Variants in IL1RAPL1 observed in about 807,000 individuals in gnomAD.
IL1RAPL1 encodes the protein interleukin-1 receptor accessory protein-like 1.
A neutral mutation model predicts 48.4 loss-of-function variants in IL1RAPL1; 3 were observed. The ratio of observed to expected loss-of-function variants is 0.06; its 90% CI spans 0.03 to 0.16. The LOEUF (loss-of-function observed/expected upper bound fraction) is 0.16. IL1RAPL1 is among the 10% of genes least tolerant of loss of function. The pLI, the probability that IL1RAPL1 is intolerant of heterozygous loss-of-function variation, is 1.00. For synonymous variants in IL1RAPL1, 185 were observed against 187.7 expected (o/e 0.99, Z 0.12); for missense variants, 349 against 530.6 (o/e 0.66, Z 3.36).
chrX:29,015,964 A>T (rs1264979998), intron 2 of IL1RAPL1, among the ~76,000 whole-genome samples: 1 of 111,976 alleles, frequency 8.9e-6, no homozygotes, highest in Non-Finnish European at 1.9e-5. Context: ...ACAGTTCTTC[A>T]TTTCTCAAGC....
At chrX:29,793,974 C>G (rs1929690207) in intron 6 of IL1RAPL1, among the ~76,000 whole-genome samples, 1 of 111,975 alleles carries the variant, frequency 8.9e-6, no homozygotes, top group Non-Finnish European at 1.9e-5. Flanking sequence ...GAGGATATGG[C>G]TGATGTTTGT....
At chrX:28,780,765 T>C (rs1936414985) in intron 1 of IL1RAPL1, among the ~76,000 whole-genome samples, 1 of 110,088 alleles carries the variant, frequency 9.1e-6, no homozygotes, top group African/African-American at 3.3e-5. Context: ...CCAGCTCATG[T>C]GATCTGCTGT....
At chrX:29,813,291 C>G (rs191571728) in intron 6 of IL1RAPL1, among the ~76,000 whole-genome samples, 112 of 111,287 alleles carry the variant, frequency 1.0e-3, no homozygotes, top group African/African-American at 3.6e-3. Context: ...GAAAAGGTCC[C>G]TAAAATTAAT....
chrX:29,000,014 A>C (rs1390102102), intron 2 of IL1RAPL1, among the ~76,000 whole-genome samples: 1 of 111,580 alleles, frequency 9.0e-6, no homozygotes, highest in Non-Finnish European at 1.9e-5. Context: ...TGGTAATTTT[A>C]AGAGTCTGCT....
chrX:29,457,277 G>T, intron 5 of IL1RAPL1, among the ~76,000 whole-genome samples: 1 of 102,865 alleles, frequency 9.7e-6, no homozygotes, highest in East Asian at 3.0e-4. Flanking sequence ...ACACAAGTTT[G>T]TTACATGGGT....
chrX:29,443,459 T>C (rs1476030028), intron 5 of IL1RAPL1, among the ~76,000 whole-genome samples: 1 of 111,204 alleles, frequency 9.0e-6, no homozygotes, highest in Non-Finnish European at 1.9e-5. Flanking sequence ...TTATTCGCCA[T>C]AGCCTAGAAA....
At chrX:29,674,296 T>C (rs1926216445) in intron 6 of IL1RAPL1, among the ~76,000 whole-genome samples, 1 of 111,249 alleles carries the variant, frequency 9.0e-6, no homozygotes, top group African/African-American at 3.3e-5. Context: ...TGTGTTGGCA[T>C]GCGCCTGTAG....
chrX:28,702,175 G>A (rs751385460), intron 1 of IL1RAPL1, among the ~76,000 whole-genome samples: 4 of 111,167 alleles, frequency 3.6e-5, no homozygotes, highest in African/African-American at 1.3e-4. Flanking sequence ...TATGTAACTG[G>A]TTTAGAATCC....
chrX:29,294,174 TG>T (rs1932413254), intron 3 of IL1RAPL1, among the ~76,000 whole-genome samples: 2 of 111,315 alleles, frequency 1.8e-5, no homozygotes, highest in South Asian at 7.5e-4. Flanking sequence ...AAAGTGTAAC[TG>T]GGAAAGATTT....
chrX:29,006,065 C>G (rs1197935998), intron 2 of IL1RAPL1, among the ~76,000 whole-genome samples: 1 of 111,528 alleles, frequency 9.0e-6, no homozygotes, highest in Non-Finnish European at 1.9e-5. Context: ...AGAACATGCT[C>G]TATGCCATGG....
intron 6 of IL1RAPL1, among the ~76,000 whole-genome samples, chrX:29,767,786 G>A (rs1426315213): frequency 9.0e-6 from 1 of 111,329 alleles, no homozygotes; most frequent in East Asian, 2.8e-4. Context: ...TAAACTTCTG[G>A]TATCTGATCT....
At chrX:28,927,120 C>T (rs1056048814) in intron 2 of IL1RAPL1, among the ~76,000 whole-genome samples, 3 of 111,405 alleles carry the variant, frequency 2.7e-5, no homozygotes, top group African/African-American at 9.8e-5. Flanking sequence ...GGTCTCAGCT[C>T]TTGGCCTCAA....
At chrX:29,951,930 A>T (rs1933327703) in intron 9 of IL1RAPL1, among the ~76,000 whole-genome samples, 1 of 111,732 alleles carries the variant, frequency 8.9e-6, no homozygotes, top group South Asian at 3.8e-4. Context: ...TTATGGAAGG[A>T]AAGGATATTT....
chrX:29,813,982 A>G (rs1237713070), intron 6 of IL1RAPL1, among the ~76,000 whole-genome samples: 4 of 111,628 alleles, frequency 3.6e-5, no homozygotes, highest in Admixed American at 9.5e-5. Flanking sequence ...TCTTTATCCA[A>G]TCCACCCATT....
intron 5 of IL1RAPL1, among the ~76,000 whole-genome samples, chrX:29,461,203 G>C (rs763239830): frequency 2.7e-5 from 3 of 111,288 alleles, no homozygotes; most frequent in Non-Finnish European, 5.7e-5. Context: ...AGTCATTAGG[G>C]AAATGCAAAT....
At chrX:29,150,782 C>T (rs990170261) in intron 2 of IL1RAPL1, among the ~76,000 whole-genome samples, 13 of 108,730 alleles carry the variant, frequency 1.2e-4, no homozygotes, top group African/African-American at 4.0e-4. Context: ...CTTAGCTGGG[C>T]GTGTTGGTGC....
At chrX:28,674,616 A>G (rs1174029730) in intron 1 of IL1RAPL1, among the ~76,000 whole-genome samples, 1 of 111,981 alleles carries the variant, frequency 8.9e-6, no homozygotes, top group Non-Finnish European at 1.9e-5. Context: ...ATTTAAAGCT[A>G]TGAGTCCTAA....
chrX:28,968,869 TTA>T lies in IL1RAPL1; in HGVS notation c.82+179448_82+179449del, dbSNP rs1476924787. On this transcript the variant is annotated intron_variant, in intron 2 of 10. Transcript: ENST00000378993. ...GTGGTGGGAATACATGTTATTTTCT[TTA>T]TATGTTTCTTTAGAAGTGATTAGTA... 1.2e-4 allele frequency among the ~76,000 whole-genome samples: 14 copies of T among 112,829 alleles called. No homozygotes were observed. In the East Asian group the frequency reaches 3.7e-3, roughly 29 times the overall value.
At chrX:29,558,134 A>G (rs540228146) in intron 5 of IL1RAPL1, among the ~76,000 whole-genome samples, 4 of 111,600 alleles carry the variant, frequency 3.6e-5, no homozygotes, top group South Asian at 3.8e-4. Context: ...TAATAGTTGT[A>G]CAAATTTTCA....
Sources: gnomAD v4.1 joint callset for allele counts (sites outside exome capture counted in the v4.1 genomes callset) on GRCh38, gnomAD v4.1.1 for gene constraint, MANE v1.5 for transcripts, NCBI Gene and HGNC (gene_info 2026-07-23, HGNC 2026-07-21) for gene names.